Variants in HACD3 observed in about 807,000 individuals in gnomAD.
The protein encoded by HACD3 is 3-hydroxyacyl-CoA dehydratase 3.
Under a neutral mutation model 55.2 loss-of-function variants are expected in HACD3, and 30 were observed. The ratio of observed to expected loss-of-function variants is 0.54; its 90% CI spans 0.41 to 0.74. The LOEUF is 0.74. Ranked by LOEUF, HACD3 falls within the 30% of genes least tolerant of loss-of-function variation. The probability of loss-of-function intolerance (pLI) is 0.00; values close to 1 mark genes in which losing one functional copy is unlikely to be tolerated. For missense variants in HACD3, 363 were observed against 440.1 expected (o/e 0.82, Z 1.57); for synonymous variants, 141 against 151.7 (o/e 0.93, Z 0.52).
chr15:65,537,424 C>T (rs1288587242), intron 1 of HACD3, among the ~76,000 whole-genome samples: 1 of 152,000 alleles, frequency 6.6e-6, no homozygotes, highest in Non-Finnish European at 1.5e-5. Flanking sequence ...TTGTTAGGGG[C>T]TAATGCAGCT....
At chr15:65,556,655 C>A in intron 3 of HACD3, 84 bp from the exon 4 acceptor site, 2 of 1,333,682 alleles carry the variant, frequency 1.5e-6, no homozygotes, top group Admixed American at 2.5e-5. Flanking sequence ...ATATATCCTG[C>A]AGCTTCTATG....
intron 10 of HACD3, chr15:65,574,215 G>C (rs1481997775): frequency 2.0e-5 from 3 of 152,256 alleles, no homozygotes; most frequent in African/African-American, 4.8e-5. Context: ...GTTTCAGTTA[G>C]GCTGTCAGCT....
chr15:65,557,388 T>A (rs1025823084), intron 4 of HACD3, among the ~76,000 whole-genome samples: 3 of 149,770 alleles, frequency 2.0e-5, no homozygotes, highest in Non-Finnish European at 3.0e-5. Context: ...GGCAGGAGAA[T>A]GGCGTGAACT....
chr15:65,563,002 C>T (rs1037099690), intron 6 of HACD3, 118 bp downstream of exon 6: 1 of 1,435,926 alleles, frequency 7.0e-7, no homozygotes, highest in Non-Finnish European at 9.3e-7. Context: ...GTGCAGCACC[C>T]TCTACTTTTC....
chr15:65,573,253 T>C (rs997833639), intron 10 of HACD3, among the ~76,000 whole-genome samples: 1 of 152,162 alleles, frequency 6.6e-6, no homozygotes, highest in Non-Finnish European at 1.5e-5. Context: ...TTATTACAAA[T>C]ATGACAAATT....
At chr15:65,531,614 G>A (rs1024655336) in intron 1 of HACD3, among the ~76,000 whole-genome samples, 2 of 151,852 alleles carry the variant, frequency 1.3e-5, no homozygotes, top group African/African-American at 4.8e-5. Flanking sequence ...CGCCCAGGCT[G>A]GAGTGCAATG....
chr15:65,574,721 C>A (rs201561670), intron 10 of HACD3, among the ~76,000 whole-genome samples: 1 of 146,664 alleles, frequency 6.8e-6, no homozygotes, highest in Non-Finnish European at 1.5e-5. Context: ...AAATTTCTTT[C>A]TTTTTTTCTG....
At chr15:65,570,724 ATTC>A (rs1403810696) in intron 8 of HACD3, among the ~76,000 whole-genome samples, 1 of 152,200 alleles carries the variant, frequency 6.6e-6, no homozygotes, top group Non-Finnish European at 1.5e-5. Flanking sequence ...AAGTAGATGT[ATTC>A]TTCTTTACCA....
chr15:65,545,759 A>ATTTT (rs34144693), intron 1 of HACD3, among the ~76,000 whole-genome samples: 5 of 151,860 alleles, frequency 3.3e-5, no homozygotes, highest in African/African-American at 1.2e-4. Context: ...CCGATTCTGG[A>ATTTT]TTTTTTTAAA....
intron 3 of HACD3, 121 bp downstream of exon 3, chr15:65,555,081 T>G: frequency 2.6e-6 from 2 of 781,674 alleles, no homozygotes; most frequent in Non-Finnish European, 2.1e-6. Flanking sequence ...AATAATAGAG[T>G]TCTTTTATTT....
chr15:65,530,744 A>G (rs750303074), intron 1 of HACD3, 26 bp downstream of exon 1: 9 of 1,528,226 alleles, frequency 5.9e-6, no homozygotes, highest in Non-Finnish European at 7.9e-6. Flanking sequence ...GGCGGCGGGA[A>G]GCGCGCGGGA....
chr15:65,558,995 G>C (rs2072220483), intron 5 of HACD3, among the ~76,000 whole-genome samples: 1 of 152,140 alleles, frequency 6.6e-6, no homozygotes, highest in Non-Finnish European at 1.5e-5. Context: ...TCCTGGACTG[G>C]CCTCATGGCA....
Position 65,564,345 on chromosome 15 carries a change from A to T in HACD3, c.660+3A>T. The T allele has an allele frequency of 2.5e-6, 4 of 1,611,964 alleles. No homozygotes were observed. Among genetic ancestry groups the T allele is most frequent in the Non-Finnish European group, 3.4e-6 (4 of 1,178,802 alleles). ...CGGTGCTGCCTTCTCTGATCCAGGT[A>T]TTGAATAGTTAAGCTGAAGGGTGGG... On this transcript the variant is annotated splice_donor_region_variant and intron_variant, in intron 7 of 10. Transcript: ENST00000261875.
Position 65,576,931 on chromosome 15 carries a change from A to C in HACD3, c.*552A>C, listed in dbSNP as rs2072407614. 6.5e-6 allele frequency: 1 copy of C among 153,198 alleles called. No individual in the cohort carries two copies. Among genetic ancestry groups the C allele is most frequent in the South Asian group, 2.1e-4 (1 of 4,876 alleles). The allele number at this position is 153,198 out of a possible 1,614,324, so 9.5% of individuals were successfully genotyped here. A position where few individuals can be genotyped will look rare whatever the true frequency, so the allele number is the denominator to read the frequency against. ...ATTTCTAAGAGTGGGGCTAGAGAAC[A>C]TACTTTACATCTGACATCCTTTGGC... is the stretch of plus-strand genomic sequence containing the variant. On this transcript the variant is annotated 3_prime_UTR_variant, in exon 11 of 11. Coordinates refer to ENST00000261875, the MANE Select transcript of HACD3 (RefSeq NM_016395.4).
intron 1 of HACD3, among the ~76,000 whole-genome samples, chr15:65,548,559 G>T (rs777432924): frequency 4.0e-5 from 6 of 149,570 alleles, no homozygotes; most frequent in Admixed American, 2.0e-4. Context: ...GAAAATTTTC[G>T]TATTCCCTTT....
At chr15:65,541,318 T>C (rs2072016865) in intron 1 of HACD3, among the ~76,000 whole-genome samples, 1 of 152,184 alleles carries the variant, frequency 6.6e-6, no homozygotes, top group African/African-American at 2.4e-5. Context: ...ATACAAGCTT[T>C]CTTATTACTT....
chr15:65,532,675 A>G (rs2071914067), intron 1 of HACD3, among the ~76,000 whole-genome samples: 2 of 151,092 alleles, frequency 1.3e-5, no homozygotes, highest in Non-Finnish European at 2.9e-5. Flanking sequence ...ATTTTTGGGG[A>G]AAAATAAATC....
chr15:65,560,923 T>C (rs1027794694), intron 5 of HACD3, among the ~76,000 whole-genome samples: 1 of 152,198 alleles, frequency 6.6e-6, no homozygotes, highest in Non-Finnish European at 1.5e-5. Context: ...ACATTACTTG[T>C]TACTCCCCAC....
rs2072136099 is a variant in HACD3, at chr15:65,551,799, ATT to A, written c.130+83_130+84del. 3 of 1,524,542 alleles carry A rather than the reference ATT, an allele frequency of 2.0e-6. No individual in the cohort carries two copies. In the Admixed American group the frequency reaches 5.1e-5, roughly 26 times the overall value. The allele number at this position is 1,524,542 out of a possible 1,614,324, so 94.4% of individuals were successfully genotyped here. Reference sequence around the variant, plus strand: ...TGGTTTCCCTTTTTTAAAAAAATGTATTTGTCTTACTTGTTTTTTGCTGATGT... The same window carrying A: ...TGGTTTCCCTTTTTTAAAAAAATGTATGTCTTACTTGTTTTTTGCTGATGT... On this transcript the variant is annotated intron_variant, in intron 2 of 10. Transcript: ENST00000261875.
Sources: gnomAD v4.1 joint callset for allele counts (sites outside exome capture counted in the v4.1 genomes callset) on GRCh38, gnomAD v4.1.1 for gene constraint, MANE v1.5 for transcripts, NCBI Gene and HGNC (gene_info 2026-07-23, HGNC 2026-07-21) for gene names.